THUMPD2: variants seen among roughly 807,000 people sequenced by gnomAD.
THUMPD2 encodes the protein U6 snRNA (guanine-N(2))-methyltransferase THUMPD2.
In THUMPD2, 56 loss-of-function variants were observed where a neutral mutation model predicts 49.4. The observed-to-expected ratio is 1.13, with a 90% CI of 0.91 to 1.41. The LOEUF (loss-of-function observed/expected upper bound fraction) is 1.41, where lower values mean the gene tolerates loss of function less well. Ranked by LOEUF, THUMPD2 falls within the 40% of genes most tolerant of loss-of-function variation. The pLI, the probability that THUMPD2 is intolerant of heterozygous loss-of-function variation, is 0.00. For synonymous variants in THUMPD2, 237 were observed against 205.2 expected, an observed-to-expected ratio of 1.15 and a Z score of -1.32; for missense variants, 709 against 594.5, an observed-to-expected ratio of 1.19 and a Z score of -2.00.
At chr2:39,743,801 G>A (rs1438686267) in intron 9 of THUMPD2, among the ~76,000 whole-genome samples, 2 of 152,164 alleles carry the variant, frequency 1.3e-5, no homozygotes, top group Non-Finnish European at 2.9e-5. Context: ...GCAGAATCAT[G>A]AGCCAAGTAA....
chr2:39,769,951 G>T lies in THUMPD2; in HGVS notation c.431C>A (p.Ala144Glu). The T allele has an allele frequency of 6.4e-7, 1 of 1,574,458 alleles. No homozygotes were observed. Among genetic ancestry groups the T allele is most frequent in the Non-Finnish European group, 8.6e-7 (1 of 1,168,504 alleles). The change falls in exon 3 of 10, where the codon GCA becomes GAA. Residue 144 changes from alanine to glutamate, a missense_variant. Coordinates refer to ENST00000505747, the MANE Select transcript of THUMPD2 (RefSeq NM_025264.5). ...KRKVGENEII[A>E]KKLKIEQMQK... ...CATTTGTTCTATTTTTAATTTCTTTGCAATGATTTCATTTTCTCCCACTTT... is the reference window on the plus strand; with the variant it reads ...CATTTGTTCTATTTTTAATTTCTTTTCAATGATTTCATTTTCTCCCACTTT...
chr2:39,772,781 A>C (rs1678503824), intron 1 of THUMPD2, among the ~76,000 whole-genome samples: 1 of 152,210 alleles, frequency 6.6e-6, no homozygotes, highest in African/African-American at 2.4e-5. Context: ...CACAGACACC[A>C]GGGAATGTGG....
At chr2:39,778,800 C>CTTCTAA (rs1410553715) in intron 1 of THUMPD2, among the ~76,000 whole-genome samples, 2 of 152,248 alleles carry the variant, frequency 1.3e-5, no homozygotes, top group Non-Finnish European at 2.9e-5. Flanking sequence ...GGTTCTAACT[C>CTTCTAA]TGACAGGCCA....
intron 4 of THUMPD2, among the ~76,000 whole-genome samples, chr2:39,766,638 GC>G (rs969865335): frequency 6.6e-6 from 1 of 151,900 alleles, no homozygotes; most frequent in Admixed American, 6.6e-5. Context: ...GTATTTAAGC[GC>G]CCCACATTAT....
chr2:39,755,760 G>GTATAA, intron 7 of THUMPD2, 129 bp downstream of exon 7: 1 of 751,552 alleles, frequency 1.3e-6, no homozygotes, highest in East Asian at 2.8e-5. Context: ...TCTATTTTGA[G>GTATAA]TAAATAATAA....
At chr2:39,764,923 CAATT>C (rs1677305066) in intron 5 of THUMPD2, among the ~76,000 whole-genome samples, 1 of 152,132 alleles carries the variant, frequency 6.6e-6, no homozygotes, top group Non-Finnish European at 1.5e-5. Flanking sequence ...GGTACACTAT[CAATT>C]ATTATTTGAA....
At chr2:39,778,092 T>C (rs1434407420) in intron 1 of THUMPD2, among the ~76,000 whole-genome samples, 1 of 152,216 alleles carries the variant, frequency 6.6e-6, no homozygotes, top group Non-Finnish European at 1.5e-5. Context: ...TTCTCGGACT[T>C]ACCTGTGCTT....
Position 39,769,510 on chromosome 2 carries a change from T to G in THUMPD2, c.672+200A>C, listed in dbSNP as rs998303439. 8.6e-6 allele frequency: 4 copies of G among 466,062 alleles called. No individual in the cohort carries two copies. In the East Asian group the frequency reaches 1.5e-4, roughly 17 times the overall value. The allele number at this position is 466,062 out of a possible 1,614,324, so 28.9% of individuals were successfully genotyped here. A position where few individuals can be genotyped will look rare whatever the true frequency, so the allele number is the denominator to read the frequency against. ...TGAGGTCAGGAGTTCCAGACCAGCC[T>G]GACCAATATGGTGAAACCCTGTCTC... On this transcript the variant is annotated intron_variant, in intron 3 of 9. Coordinates refer to ENST00000505747, the MANE Select transcript of THUMPD2 (RefSeq NM_025264.5).
In THUMPD2 at chr2:39,779,249, GGC is replaced by G; in HGVS notation, c.-12_-11del. 6.7e-7 allele frequency: 1 copy of G among 1,483,302 alleles called. No homozygotes were observed. The highest frequency in any genetic ancestry group is 2.9e-5 in the East Asian group (1 of 34,800). The allele number at this position is 1,483,302 out of a possible 1,614,324, so 91.9% of individuals were successfully genotyped here. ...CACGCGCCTCCGACATGGCGGCTCA[GGC>G]GCGCCCTCGCGCCTTCGGGTCACGT... On this transcript the variant is annotated 5_prime_UTR_variant, in exon 1 of 10. Transcript: ENST00000505747.
At chr2:39,776,513 C>T in intron 1 of THUMPD2, among the ~76,000 whole-genome samples, 1 of 152,042 alleles carries the variant, frequency 6.6e-6, no homozygotes, top group African/African-American at 2.4e-5. Flanking sequence ...CGTGCCTCAG[C>T]CTCCCGAACA....
In THUMPD2 at chr2:39,736,635, C is replaced by A. The variant is rs1169075530; in HGVS notation, c.*100G>T. On this transcript the variant is annotated 3_prime_UTR_variant, in exon 10 of 10. Transcript: ENST00000505747. The stretch of plus-strand genomic sequence containing the variant: ...TCCTGTCTTTGGGGGAATTTGGTTA[C>A]TTGGAGCTCTGTGGGTGCTATATGA... 1.8e-6 allele frequency: 2 copies of A among 1,126,946 alleles called. No individual in the cohort carries two copies. Among genetic ancestry groups the A allele is most frequent in the Non-Finnish European group, 2.5e-6 (2 of 810,638 alleles). The allele number at this position is 1,126,946 out of a possible 1,614,324, so 69.8% of individuals were successfully genotyped here.
In THUMPD2 at chr2:39,766,148, A is replaced by T. The variant is rs759387170; in HGVS notation, c.751-39T>A. On this transcript the variant is annotated intron_variant, in intron 4 of 9. Transcript: ENST00000505747. ...CACAGAAGTTAGAATGGAACAAGAA[A>T]CTTCATTACCAAATTACTGACAATT... The T allele has an allele frequency of 3.9e-5, 55 of 1,412,664 alleles. No individual in the cohort carries two copies. In the South Asian group the frequency reaches 6.8e-4, roughly 17 times the overall value. 87.5% of individuals were successfully genotyped at this position (1,412,664 alleles called of 1,614,324 possible). A position where few individuals can be genotyped will look rare whatever the true frequency, so the allele number is the denominator to read the frequency against.
At chr2:39,776,042 A>AT (rs1558548104) in intron 1 of THUMPD2, among the ~76,000 whole-genome samples, 2 of 152,178 alleles carry the variant, frequency 1.3e-5, no homozygotes, top group Non-Finnish European at 2.9e-5. Flanking sequence ...GACATTAGAG[A>AT]TATCTCTACA....
chr2:39,760,479 G>A (rs1341028366), intron 6 of THUMPD2, among the ~76,000 whole-genome samples: 1 of 152,028 alleles, frequency 6.6e-6, no homozygotes, highest in East Asian at 1.9e-4. Context: ...TCAAACTAGC[G>A]AAAATAAGAG....
intron 4 of THUMPD2, among the ~76,000 whole-genome samples, chr2:39,767,397 G>T (rs1230272433): frequency 6.6e-6 from 1 of 151,548 alleles, no homozygotes; most frequent in Admixed American, 6.6e-5. Context: ...GAGGTCAGGA[G>T]ATCGAGACCA....
chr2:39,744,965 G>C (rs752893554), intron 8 of THUMPD2, among the ~76,000 whole-genome samples: 4 of 152,098 alleles, frequency 2.6e-5, no homozygotes, highest in Non-Finnish European at 5.9e-5. Flanking sequence ...TAAGACTAGA[G>C]AAAAGGCTAC....
intron 6 of THUMPD2, among the ~76,000 whole-genome samples, chr2:39,759,351 A>G (rs1291505783): frequency 6.6e-6 from 1 of 152,162 alleles, no homozygotes; most frequent in Non-Finnish European, 1.5e-5. Flanking sequence ...ATTTATTATT[A>G]CCAAAATGGC....
At chr2:39,742,235 G>C (rs1673989833) in intron 9 of THUMPD2, among the ~76,000 whole-genome samples, 1 of 152,178 alleles carries the variant, frequency 6.6e-6, no homozygotes, top group South Asian at 2.1e-4. Context: ...GTTGGGGACA[G>C]GTGGCAAGGA....
intron 6 of THUMPD2, among the ~76,000 whole-genome samples, chr2:39,758,017 G>T (rs573068280): frequency 6.6e-6 from 1 of 152,234 alleles, no homozygotes; most frequent in South Asian, 2.1e-4. Context: ...GTCACATTTG[G>T]AGAGACATTT....
Sources: allele counts gnomAD v4.1 joint callset (sites outside exome capture counted in the v4.1 genomes callset), GRCh38; gene constraint gnomAD v4.1.1; transcripts MANE v1.5; gene names NCBI Gene and HGNC (gene_info 2026-07-23, HGNC 2026-07-21).